FRMD7: variants seen among roughly 807,000 people sequenced by gnomAD.
FRMD7 encodes the protein FERM domain-containing protein 7.
Under a neutral mutation model 44.1 loss-of-function variants are expected in FRMD7, and 14 were observed. That is an observed-to-expected ratio of 0.32 (90% CI 0.21 to 0.50). The LOEUF is 0.50. Among genes scored for constraint, FRMD7 ranks in the 20% least tolerant of loss-of-function variants. FRMD7 has a pLI of 0.99. For missense variants in FRMD7, 501 were observed against 522.3 expected (o/e 0.96, Z 0.40); for synonymous variants, 212 against 187.4 (o/e 1.13, Z -1.07).
At chrX:132,116,771 T>A (rs921452611) in intron 1 of FRMD7, among the ~76,000 whole-genome samples, 1 of 111,577 alleles carries the variant, frequency 9.0e-6, no homozygotes, top group Non-Finnish European at 1.9e-5. Flanking sequence ...ATGGCACACG[T>A]TTACCTATGT....
intron 2 of FRMD7, 26 bp from the exon 3 acceptor site, chrX:132,099,536 G>A (rs1320452710): frequency 1.7e-6 from 2 of 1,144,389 alleles, no homozygotes; most frequent in South Asian, 1.8e-5. Flanking sequence ...GGAAAAAATT[G>A]GTAGAGCATG....
At chrX:132,079,634 C>G (rs956469734) in intron 11 of FRMD7, among the ~76,000 whole-genome samples, 1 of 112,288 alleles carries the variant, frequency 8.9e-6, no homozygotes, top group Non-Finnish European at 1.9e-5. Flanking sequence ...GAAAAATACT[C>G]TAAAACTTTA....
Position 132,116,746 on chromosome X carries a change from G to A in FRMD7, c.57+11042C>T, listed in dbSNP as rs766349403. Among the ~76,000 whole-genome samples the A allele has an allele frequency of 2.4e-3, 272 of 111,668 alleles. 1 individual carries two copies. Among genetic ancestry groups the A allele is most frequent in the African/African-American group, 8.5e-3 (262 of 30,682 alleles). Reference sequence around the variant, plus strand: ...TAATACGTAGGTGATGGGTTGATGGGTGCAGTAAACCACCATGGCACACGT... The same window carrying A: ...TAATACGTAGGTGATGGGTTGATGGATGCAGTAAACCACCATGGCACACGT... On this transcript the variant is annotated intron_variant, in intron 1 of 11. Transcript: ENST00000298542.
At chrX:132,126,730 T>G (rs1025001286) in intron 1 of FRMD7, among the ~76,000 whole-genome samples, 2 of 112,156 alleles carry the variant, frequency 1.8e-5, no homozygotes, top group East Asian at 5.6e-4. Flanking sequence ...GAATAGGAAA[T>G]GCCTCATACC....
Position 132,086,040 on chromosome X carries a change from T to C in FRMD7, c.383-6A>G. 9.0e-7 allele frequency: 1 copy of C among 1,108,159 alleles called. No individual in the cohort carries two copies. 91.3% of individuals were successfully genotyped at this position (1,108,159 alleles called of 1,213,427 possible). A position where few individuals can be genotyped will look rare whatever the true frequency, so the allele number is the denominator to read the frequency against. On this transcript the variant is annotated splice_region_variant and splice_polypyrimidine_tract_variant and intron_variant, in intron 5 of 11. Transcript: ENST00000298542. ...ATGAAAGTCTCCAAGTTCTGCTGCA[T>C]GACAGGAAAAAGACATTTTTCACAT...
intron 1 of FRMD7, among the ~76,000 whole-genome samples, chrX:132,112,631 C>T (rs1003213108): frequency 1.8e-5 from 2 of 111,711 alleles, no homozygotes; most frequent in Admixed American, 9.5e-5. Context: ...GAAGGCTTAA[C>T]GTTTCTTAGG....
chrX:132,102,381 G>A (rs889238701), intron 1 of FRMD7, among the ~76,000 whole-genome samples: 1 of 111,961 alleles, frequency 8.9e-6, no homozygotes, highest in Non-Finnish European at 1.9e-5. Context: ...CCAAGGGAAA[G>A]GGGGTTTGAT....
intron 1 of FRMD7, among the ~76,000 whole-genome samples, chrX:132,113,899 T>C (rs192646416): frequency 1.2e-3 from 129 of 110,053 alleles, no homozygotes; most frequent in African/African-American, 3.7e-3. Flanking sequence ...TTTTTTTTTC[T>C]ACTGATTAAA....
At chrX:132,115,420 A>T (rs1928875186) in intron 1 of FRMD7, among the ~76,000 whole-genome samples, 1 of 112,754 alleles carries the variant, frequency 8.9e-6, no homozygotes, top group African/African-American at 3.2e-5. Flanking sequence ...GACATTTTTA[A>T]TTTCATGCAT....
intron 1 of FRMD7, among the ~76,000 whole-genome samples, chrX:132,122,714 A>T (rs1298273642): frequency 8.9e-6 from 1 of 112,220 alleles, no homozygotes; most frequent in African/African-American, 3.2e-5. Flanking sequence ...CTAAAATTGG[A>T]TCCACTAAAC....
intron 1 of FRMD7, among the ~76,000 whole-genome samples, chrX:132,117,099 A>G (rs1217327969): frequency 8.9e-6 from 1 of 112,519 alleles, no homozygotes; most frequent in Admixed American, 9.4e-5. Flanking sequence ...TGATACATGT[A>G]AAATATTTAG....
chrX:132,086,013 T>C lies in FRMD7; in HGVS notation c.404A>G (p.Glu135Gly). The change falls in exon 6 of 12, where the codon GAA becomes GGA. Residue 135 changes from glutamate to glycine, a missense_variant. This residue lies in a region of FRMD7 where 453 missense variants were observed against 452.7 expected (regional missense o/e 1.00). Coordinates refer to ENST00000298542, the MANE Select transcript of FRMD7 (RefSeq NM_194277.3). Reference sequence around the variant, plus strand: ...TGCCAGATGCTTCCTATCTGTTTCTTCATGAAAGTCTCCAAGTTCTGCTGC... The same window carrying C: ...TGCCAGATGCTTCCTATCTGTTTCTCCATGAAAGTCTCCAAGTTCTGCTGC... ...ILQSELGDFHEETDRKHLAQT... is the reference protein window; with the variant it reads ...ILQSELGDFHGETDRKHLAQT... The C allele has an allele frequency of 8.4e-7, 1 of 1,190,946 alleles. No homozygotes were observed. Among genetic ancestry groups the C allele is most frequent in the Non-Finnish European group, 1.1e-6 (1 of 876,427 alleles).
Position 132,078,410 on chromosome X carries a change from C to T in FRMD7, c.1607G>A (p.Arg536Lys). Residue 536 changes from arginine to lysine, a missense_variant, in exon 12 of 12, where the codon AGG becomes AAG. Around this residue, in one of 3 missense-constraint regions of FRMD7, gnomAD observed 453 missense variants for 452.7 expected, o/e 1.00. Coordinates refer to ENST00000298542, the MANE Select transcript of FRMD7 (RefSeq NM_194277.3). ...TAMKPAERSP[R>K]NIRMKSFQQD... ...CTGAAAGCTCTTCATTCTGATATTC[C>T]TTGGGCTTCTTTCAGCTGGCTTCAT... 8.3e-7 allele frequency: 1 copy of T among 1,211,386 alleles called. No homozygotes were observed. Among genetic ancestry groups the T allele is most frequent in the Non-Finnish European group, 1.1e-6 (1 of 895,329 alleles).
At chrX:132,124,933 A>C (rs193197130) in intron 1 of FRMD7, among the ~76,000 whole-genome samples, 71 of 111,996 alleles carry the variant, frequency 6.3e-4, no homozygotes, top group Non-Finnish European at 1.0e-3. Flanking sequence ...TAATTAATGA[A>C]TACGTGACTA....
chrX:132,097,745 C>A (rs948433233), intron 3 of FRMD7, among the ~76,000 whole-genome samples: 5 of 112,149 alleles, frequency 4.5e-5, no homozygotes, highest in Non-Finnish European at 9.4e-5. Flanking sequence ...GTGTACATTA[C>A]CAAGCCTAAG....
chrX:132,122,807 C>T (rs1356484150), intron 1 of FRMD7, among the ~76,000 whole-genome samples: 1 of 112,057 alleles, frequency 8.9e-6, no homozygotes, highest in Non-Finnish European at 1.9e-5. Context: ...TGAATAAATG[C>T]ATAAATTAAT....
chrX:132,105,513 T>A lies in FRMD7; in HGVS notation c.58-4797A>T, dbSNP rs184660807. ...CACAGAACTAGAAAAAAAATTTTTT[T>A]AAATTCACGTTGAACAAAAAAAGAG... On this transcript the variant is annotated intron_variant, in intron 1 of 11. Transcript: ENST00000298542. Among the ~76,000 whole-genome samples the A allele has an allele frequency of 8.7e-4, 97 of 111,699 alleles. 3 individuals are homozygous for A. The East Asian group carries it at 0.025, about 28-fold the overall frequency.
chrX:132,107,634 G>GAGAGAGAGAGAGAGAGAGA (rs1928681190), intron 1 of FRMD7, among the ~76,000 whole-genome samples: 10 of 66,300 alleles, frequency 1.5e-4, no homozygotes, highest in African/African-American at 6.8e-4. Context: ...AGAGAGAGAG[G>GAGAGAGAGAGAGAGAGAGA]GAGGGAGAAT....
intron 1 of FRMD7, among the ~76,000 whole-genome samples, chrX:132,106,736 C>T (rs1448976313): frequency 1.8e-5 from 2 of 111,835 alleles, no homozygotes; most frequent in African/African-American, 6.5e-5. Flanking sequence ...ATGGATGGAG[C>T]CGGAGGCCAT....
Sources: gnomAD v4.1 joint callset for allele counts (sites outside exome capture counted in the v4.1 genomes callset) on GRCh38, gnomAD v4.1.1 for gene constraint, gnomAD v4.1.1 regional missense constraint, MANE v1.5 for transcripts, NCBI Gene and HGNC (gene_info 2026-07-23, HGNC 2026-07-21) for gene names.